The following TAFA4 variants were observed in gnomAD, a reference collection of about 807,000 sequenced individuals.
The protein encoded by TAFA4 is TAFA chemokine like family member 4, also known as chemokine-like protein TAFA-4.
Under a neutral mutation model 21.1 loss-of-function variants are expected in TAFA4, and 20 were observed. That is an observed-to-expected ratio of 0.95 (90% confidence interval 0.67 to 1.38). The LOEUF (loss-of-function observed/expected upper bound fraction) is 1.38. Ranked by LOEUF, TAFA4 falls within the 40% of genes most tolerant of loss-of-function variation. The pLI, the probability that TAFA4 is intolerant of heterozygous loss-of-function variation, is 0.00. For synonymous variants in TAFA4, 71 were observed against 67.4 expected (o/e 1.05, Z -0.26); for missense variants, 211 against 180.9 (o/e 1.17, Z -0.95).
At chr3:68,738,949 G>C (rs1304471900) in intron 5 of TAFA4, 126 bp downstream of exon 5, 2 of 1,365,044 alleles carry the variant, frequency 1.5e-6, no homozygotes, top group African/African-American at 2.9e-5. Flanking sequence ...AAATCCGTAA[G>C]GTAGCACTGC....
intron 1 of TAFA4, among the ~76,000 whole-genome samples, chr3:68,890,222 T>G (rs560743939): frequency 6.6e-6 from 1 of 152,186 alleles, no homozygotes; most frequent in African/African-American, 2.4e-5. Context: ...GAAAGGGAAT[T>G]AATGAATGCA....
At chr3:68,811,885 A>G (rs1478371510) in intron 3 of TAFA4, among the ~76,000 whole-genome samples, 1 of 152,136 alleles carries the variant, frequency 6.6e-6, no homozygotes, top group Non-Finnish European at 1.5e-5. Context: ...GATTCACCAA[A>G]GTTGAAATGA....
intron 3 of TAFA4, among the ~76,000 whole-genome samples, chr3:68,831,283 C>T (rs771364629): frequency 6.6e-6 from 1 of 151,728 alleles, no homozygotes; most frequent in South Asian, 2.1e-4. Context: ...TTCACAGTGT[C>T]GATGGTCTTT....
chr3:68,927,560 TTA>T (rs1160051458), intron 1 of TAFA4, among the ~76,000 whole-genome samples: 1 of 152,252 alleles, frequency 6.6e-6, no homozygotes, highest in Non-Finnish European at 1.5e-5. Context: ...TGCCATATTT[TTA>T]TCTTTTTAAA....
chr3:68,738,276 C>T (rs900257406), intron 5 of TAFA4, among the ~76,000 whole-genome samples: 5 of 152,106 alleles, frequency 3.3e-5, no homozygotes, highest in Non-Finnish European at 7.4e-5. Flanking sequence ...AAGAAGGAAG[C>T]GGAGGTGGTT....
intron 3 of TAFA4, among the ~76,000 whole-genome samples, chr3:68,789,123 A>AG (rs931949303): frequency 2.0e-5 from 3 of 151,506 alleles, no homozygotes; most frequent in East Asian, 3.9e-4. Context: ...CCCAGCTACT[A>AG]GGGGGGCTGA....
rs527847973 is a variant in TAFA4, at chr3:68,803,654, C to A, written c.131-50636G>T. On this transcript the variant is annotated intron_variant, in intron 3 of 5. Coordinates refer to ENST00000295569, the MANE Select transcript of TAFA4 (RefSeq NM_182522.5). ...AACTGAAGTTTTGATTCCTCTCTGA[C>A]CCTGTGTTTGTTTTTCAATAGCTTC... Among the ~76,000 whole-genome samples the A allele has an allele frequency of 1.8e-3, 265 of 151,412 alleles. 2 individuals are homozygous for A. Among genetic ancestry groups the A allele is most frequent in the African/African-American group, 6.2e-3 (255 of 41,184 alleles).
intron 3 of TAFA4, among the ~76,000 whole-genome samples, chr3:68,854,036 TG>T (rs1435762126): frequency 6.6e-6 from 1 of 152,122 alleles, no homozygotes; most frequent in African/African-American, 2.4e-5. Flanking sequence ...TTATTTTCAT[TG>T]GAAAAATAAA....
chr3:68,765,663 T>C (rs1559513780), intron 3 of TAFA4, among the ~76,000 whole-genome samples: 1 of 152,200 alleles, frequency 6.6e-6, no homozygotes, highest in Non-Finnish European at 1.5e-5. Flanking sequence ...ATCTTCTCTC[T>C]TTCCTAAGAC....
intron 3 of TAFA4, among the ~76,000 whole-genome samples, chr3:68,780,246 G>C (rs181777224): frequency 1.4e-3 from 215 of 152,296 alleles, no homozygotes; most frequent in African/African-American, 4.7e-3. Flanking sequence ...GACTTGCCTT[G>C]TCTCAGATGA....
chr3:68,904,243 A>G (rs2089874690), intron 1 of TAFA4, among the ~76,000 whole-genome samples: 1 of 152,166 alleles, frequency 6.6e-6, no homozygotes, highest in Non-Finnish European at 1.5e-5. Flanking sequence ...TTAGCCCACA[A>G]TCTAAAAGCC....
chr3:68,740,732 T>A (rs1702333406), intron 4 of TAFA4, among the ~76,000 whole-genome samples: 1 of 152,198 alleles, frequency 6.6e-6, no homozygotes, highest in Admixed American at 6.5e-5. Context: ...AAGATCAATA[T>A]CAAGGACCTT....
At chr3:68,825,082 T>G (rs147896877) in intron 3 of TAFA4, among the ~76,000 whole-genome samples, 14 of 152,306 alleles carry the variant, frequency 9.2e-5, no homozygotes, top group African/African-American at 3.4e-4. Context: ...ATCACCTAAG[T>G]ATTAAGCCCA....
intron 3 of TAFA4, among the ~76,000 whole-genome samples, chr3:68,786,066 G>T (rs1703253734): frequency 6.6e-6 from 1 of 152,206 alleles, no homozygotes; most frequent in Non-Finnish European, 1.5e-5. Context: ...CACAATGCAG[G>T]AAGGTGATCT....
intron 3 of TAFA4, among the ~76,000 whole-genome samples, chr3:68,850,641 C>A (rs984202310): frequency 3.3e-5 from 5 of 152,102 alleles, no homozygotes; most frequent in Admixed American, 2.0e-4. Flanking sequence ...CTCTAATGAT[C>A]AGTGATGTCA....
At chr3:68,931,105 C>A (rs1215897683) in intron 1 of TAFA4, among the ~76,000 whole-genome samples, 1 of 152,172 alleles carries the variant, frequency 6.6e-6, no homozygotes, top group Non-Finnish European at 1.5e-5. Flanking sequence ...GGTGGACAAG[C>A]TTTATGCCAA....
intron 4 of TAFA4, among the ~76,000 whole-genome samples, chr3:68,744,515 T>C (rs979551509): frequency 6.6e-6 from 1 of 152,156 alleles, no homozygotes; most frequent in Non-Finnish European, 1.5e-5. Context: ...AAGTGAGAAA[T>C]TGCGGAATAA....
chr3:68,925,045 T>G (rs547429309), intron 1 of TAFA4, among the ~76,000 whole-genome samples: 1 of 152,214 alleles, frequency 6.6e-6, no homozygotes, highest in Non-Finnish European at 1.5e-5. Context: ...AGCCATCCTC[T>G]GGCTTGCTTA....
chr3:68,829,752 C>T (rs1684487038), intron 3 of TAFA4, among the ~76,000 whole-genome samples: 1 of 152,154 alleles, frequency 6.6e-6, no homozygotes, highest in African/African-American at 2.4e-5. Context: ...GAAATAGTTT[C>T]ACAAGGAATG....
Sources: gnomAD v4.1 joint callset for allele counts (sites outside exome capture counted in the v4.1 genomes callset) on GRCh38, gnomAD v4.1.1 for gene constraint, MANE v1.5 for transcripts, NCBI Gene and HGNC (gene_info 2026-07-23, HGNC 2026-07-21) for gene names.